RNF220: variants seen among roughly 807,000 people sequenced by gnomAD.
RNF220 encodes E3 ubiquitin-protein ligase RNF220.
A neutral mutation model predicts 67.1 loss-of-function variants in RNF220; 7 were observed. That is an observed-to-expected ratio of 0.10 (90% CI 0.06 to 0.20). The LOEUF is 0.20. Ranked by LOEUF, RNF220 falls within the 10% of genes least tolerant of loss-of-function variation. The pLI is 1.00. For missense variants in RNF220, 565 were observed against 740.3 expected (o/e 0.76, Z 2.75); for synonymous variants, 270 against 283.2 (o/e 0.95, Z 0.47).
At chr1:44,577,069 C>A (rs11211015) in intron 2 of RNF220, among the ~76,000 whole-genome samples, 2 of 152,162 alleles carry the variant, frequency 1.3e-5, no homozygotes, top group East Asian at 3.9e-4. Context: ...GCTGATACAG[C>A]AGATTCAAAT....
At chr1:44,647,599 T>G (rs534505682) in intron 12 of RNF220, among the ~76,000 whole-genome samples, 1 of 152,252 alleles carries the variant, frequency 6.6e-6, no homozygotes, top group Admixed American at 6.5e-5. Flanking sequence ...TAAGTGTCCC[T>G]GATACAAGGA....
At chr1:44,614,752 C>T (rs1643473717) in intron 3 of RNF220, among the ~76,000 whole-genome samples, 2 of 152,062 alleles carry the variant, frequency 1.3e-5, no homozygotes, top group South Asian at 2.1e-4. Flanking sequence ...TCAGGTGTGT[C>T]CCCCACTGTC....
intron 2 of RNF220, among the ~76,000 whole-genome samples, chr1:44,466,311 A>G (rs1051226887): frequency 6.6e-6 from 1 of 152,194 alleles, no homozygotes; most frequent in Non-Finnish European, 1.5e-5. Flanking sequence ...AATTCTCGCT[A>G]TTTTGACCAC....
intron 2 of RNF220, among the ~76,000 whole-genome samples, chr1:44,554,795 C>T (rs1662939084): frequency 1.3e-5 from 2 of 152,098 alleles, no homozygotes; most frequent in African/African-American, 2.4e-5. Flanking sequence ...CTCACCTTCA[C>T]CACCCACCTT....
At chr1:44,590,497 G>A (rs1666038145) in intron 2 of RNF220, among the ~76,000 whole-genome samples, 2 of 152,196 alleles carry the variant, frequency 1.3e-5, no homozygotes, top group South Asian at 2.1e-4. Context: ...GGCTTTATAT[G>A]TAGGGCCCTG....
At chr1:44,521,762 T>G (rs1659959930) in intron 2 of RNF220, among the ~76,000 whole-genome samples, 1 of 152,186 alleles carries the variant, frequency 6.6e-6, no homozygotes, top group Non-Finnish European at 1.5e-5. Flanking sequence ...AGGCCCCCAC[T>G]AGACTGTATG....
intron 2 of RNF220, among the ~76,000 whole-genome samples, chr1:44,493,561 G>A (rs1024808915): frequency 1.3e-5 from 2 of 152,056 alleles, no homozygotes; most frequent in African/African-American, 4.8e-5. Context: ...TTTGTGTTTA[G>A]ACTTGGATCC....
Position 44,565,586 on chromosome 1 carries a change from G to T in RNF220, c.626-48579G>T, listed in dbSNP as rs1572897747. Among the ~76,000 whole-genome samples the T allele has an allele frequency of 6.6e-6, 1 of 152,348 alleles. No individual in the cohort carries two copies. The highest frequency in any genetic ancestry group is 1.9e-4 in the East Asian group (1 of 5,188). ...CTTCTCCCTCAGCCCAGGCAAGGGG[G>T]AGGTTGCATGGAGGGCAAGCATGCC... is the stretch of plus-strand genomic sequence containing the variant. On this transcript the variant is annotated intron_variant, in intron 2 of 14. Transcript: ENST00000361799. This position sits in a 1 kb window ranked among gnomAD's most constrained non-coding sequence, Gnocchi z 4.2.
intron 2 of RNF220, among the ~76,000 whole-genome samples, chr1:44,546,978 G>A (rs1662211310): frequency 6.6e-6 from 1 of 152,202 alleles, no homozygotes; most frequent in African/African-American, 2.4e-5. Flanking sequence ...AATAAGCAAA[G>A]GAAGAGAAGG....
rs1033931732 is a variant in RNF220 at position 44,645,745 on chromosome 1, G to A, written c.1445+257G>A. 1.3e-5 allele frequency among the ~76,000 whole-genome samples: 2 copies of A among 152,262 alleles called. No homozygotes were observed. Among genetic ancestry groups the A allele is most frequent in the African/African-American group, 4.8e-5 (2 of 41,472 alleles). On this transcript the variant is annotated intron_variant, in intron 12 of 14. Transcript: ENST00000361799. This position sits in a 1 kb window ranked among gnomAD's most constrained non-coding sequence, Gnocchi z 5.0. ...CGCCTGCCTGCCTGCCTGCCCGCCT[G>A]CTGCGGCGGCCTTCGCCCGGGGAAT... is the stretch of plus-strand genomic sequence containing the variant.
intron 2 of RNF220, among the ~76,000 whole-genome samples, chr1:44,512,082 G>T (rs1659060989): frequency 6.6e-6 from 1 of 152,236 alleles, no homozygotes; most frequent in Non-Finnish European, 1.5e-5. Flanking sequence ...TTTCGCTGTG[G>T]TTGTAGGTAT....
intron 2 of RNF220, among the ~76,000 whole-genome samples, chr1:44,578,460 G>A (rs1305121287): frequency 1.3e-5 from 2 of 152,170 alleles, no homozygotes; most frequent in Non-Finnish European, 2.9e-5. Context: ...TTCAATTTGA[G>A]TCCATGCCAA....
chr1:44,448,311 TC>T (rs1652313840), intron 2 of RNF220, among the ~76,000 whole-genome samples: 1 of 152,028 alleles, frequency 6.6e-6, no homozygotes, highest in African/African-American at 2.4e-5. Context: ...AATAAGTAAA[TC>T]GACATTCTGG....
chr1:44,547,022 G>T (rs1214702845), intron 2 of RNF220, among the ~76,000 whole-genome samples: 2 of 152,196 alleles, frequency 1.3e-5, no homozygotes, highest in African/African-American at 4.8e-5. Flanking sequence ...AGAAAACCAA[G>T]GTGTTCATGT....
intron 2 of RNF220, among the ~76,000 whole-genome samples, chr1:44,550,161 C>T (rs977557486): frequency 6.6e-6 from 1 of 152,200 alleles, no homozygotes; most frequent in Non-Finnish European, 1.5e-5. Flanking sequence ...TAGGCCTGAG[C>T]CCTCCTGATT....
chr1:44,406,173 C>T (rs1572393496), intron 1 of RNF220, among the ~76,000 whole-genome samples: 1 of 152,322 alleles, frequency 6.6e-6, no homozygotes, highest in East Asian at 1.9e-4. Context: ...CTGTTTAGCC[C>T]TGGACCCCGG....
chr1:44,591,733 C>T (rs1666129342), intron 2 of RNF220, among the ~76,000 whole-genome samples: 1 of 152,188 alleles, frequency 6.6e-6, no homozygotes, highest in Non-Finnish European at 1.5e-5. Flanking sequence ...ATGGGAGGCC[C>T]CACTCACCTT....
intron 2 of RNF220, among the ~76,000 whole-genome samples, chr1:44,575,715 T>A (rs6684824): frequency 0.023 from 3,570 of 152,294 alleles, 134 homozygotes; most frequent in African/African-American, 0.081. Flanking sequence ...TGTAAATTAG[T>A]ACAGACGTTA....
intron 2 of RNF220, among the ~76,000 whole-genome samples, chr1:44,475,991 T>A (rs1655268826): frequency 6.8e-6 from 1 of 147,282 alleles, no homozygotes; most frequent in Non-Finnish European, 1.5e-5. Flanking sequence ...AGAGCAAGAC[T>A]CCATCTCAAA....
Sources: allele counts gnomAD v4.1 joint callset (sites outside exome capture counted in the v4.1 genomes callset), GRCh38; gene constraint gnomAD v4.1.1; non-coding constraint Gnocchi (gnomAD v3.1); transcripts MANE v1.5; gene names NCBI Gene and HGNC (gene_info 2026-07-23, HGNC 2026-07-21).